ZCCHC7: variants seen among roughly 807,000 people sequenced by gnomAD.
The protein encoded by ZCCHC7 is zinc finger CCHC domain-containing protein 7.
Under a neutral mutation model 52.0 loss-of-function variants are expected in ZCCHC7, and 35 were observed. That is an observed-to-expected ratio of 0.67 (90% CI 0.51 to 0.89). The LOEUF is 0.89. ZCCHC7 is among the 40% of genes least tolerant of loss of function. The probability of loss-of-function intolerance (pLI) is 0.00; values close to 1 mark genes in which losing one functional copy is unlikely to be tolerated. For synonymous variants in ZCCHC7, 217 were observed against 221.5 expected (o/e 0.98, Z 0.18); for missense variants, 574 against 649.1 (o/e 0.88, Z 1.26).
chr9:37,286,612 A>G (rs1828218901), intron 2 of ZCCHC7, among the ~76,000 whole-genome samples: 1 of 151,822 alleles, frequency 6.6e-6, no homozygotes, highest in Admixed American at 6.6e-5. Flanking sequence ...TCACACCACT[A>G]CACTCCAGCC....
intron 6 of ZCCHC7, among the ~76,000 whole-genome samples, chr9:37,348,347 G>GTTCGTTCGTTCTTTCTTTCTTTCT (rs370166957): frequency 3.0e-4 from 40 of 135,590 alleles, no homozygotes; most frequent in African/African-American, 1.1e-3. Flanking sequence ...ATACCAGTTC[G>GTTCGTTCGTTCTTTCTTTCTTTCT]TTCTTTCTTT....
chr9:37,161,401 C>T (rs778907691), intron 2 of ZCCHC7, among the ~76,000 whole-genome samples: 3 of 151,978 alleles, frequency 2.0e-5, no homozygotes, highest in East Asian at 1.9e-4. Context: ...GGTGAAACCC[C>T]ATCTCTACTA....
chr9:37,291,972 C>T (rs867393395), intron 2 of ZCCHC7, among the ~76,000 whole-genome samples: 12 of 152,128 alleles, frequency 7.9e-5, no homozygotes, highest in African/African-American at 2.2e-4. Flanking sequence ...GGATTACAGG[C>T]GTGAGCCACT....
At chr9:37,349,000 A>G (rs989431053) in intron 6 of ZCCHC7, among the ~76,000 whole-genome samples, 2 of 152,118 alleles carry the variant, frequency 1.3e-5, no homozygotes, top group Non-Finnish European at 2.9e-5. Context: ...TCACCACTCC[A>G]TTAATGCCTT....
At chr9:37,132,170 G>A (rs1023972052) in intron 2 of ZCCHC7, among the ~76,000 whole-genome samples, 3 of 152,052 alleles carry the variant, frequency 2.0e-5, no homozygotes, top group African/African-American at 7.2e-5. Flanking sequence ...AAGAAAAGAT[G>A]CACCGAAGGA....
At position 37,126,914 on chromosome 9, in the gene ZCCHC7, T is replaced by G; in HGVS notation, c.582T>G (p.Leu194=). Residue 194 remains leucine, a synonymous_variant, in exon 2 of 9, where the codon CTT becomes CTG. Coordinates refer to ENST00000336755, the MANE Select transcript of ZCCHC7 (RefSeq NM_032226.3). Reference sequence around the variant, plus strand: ...AAGATGATGATATCCTTCTCAACCTTGTGGGATGTGAAAACTCTGTTACTG... The same window carrying G: ...AAGATGATGATATCCTTCTCAACCTGGTGGGATGTGAAAACTCTGTTACTG... ...DDKDDDILLN[L]VGCENSVTEG... The G allele has an allele frequency of 6.2e-7, 1 of 1,613,892 alleles. No individual in the cohort carries two copies. Among genetic ancestry groups the G allele is most frequent in the Non-Finnish European group, 8.5e-7 (1 of 1,179,956 alleles).
intron 2 of ZCCHC7, among the ~76,000 whole-genome samples, chr9:37,240,813 T>C (rs1825842261): frequency 6.6e-6 from 1 of 151,858 alleles, no homozygotes; most frequent in African/African-American, 2.4e-5. Flanking sequence ...AAGGCCATCA[T>C]TTTGTGTTTG....
At chr9:37,243,583 T>G (rs1392389041) in intron 2 of ZCCHC7, among the ~76,000 whole-genome samples, 1 of 151,834 alleles carries the variant, frequency 6.6e-6, no homozygotes, top group African/African-American at 2.4e-5. Flanking sequence ...GTCCTTGCAT[T>G]CAGGGTTAAA....
At chr9:37,216,510 A>C (rs1824514100) in intron 2 of ZCCHC7, among the ~76,000 whole-genome samples, 1 of 152,088 alleles carries the variant, frequency 6.6e-6, no homozygotes, top group Non-Finnish European at 1.5e-5. Context: ...CCCCATCTCT[A>C]CTAAAAATAC....
At chr9:37,309,066 T>C (rs1829473380) in intron 5 of ZCCHC7, among the ~76,000 whole-genome samples, 1 of 151,940 alleles carries the variant, frequency 6.6e-6, no homozygotes, top group African/African-American at 2.4e-5. Context: ...TGTGACCAGC[T>C]TCAGAGAAGG....
intron 5 of ZCCHC7, chr9:37,327,224 T>C (rs909540104): frequency 6.6e-6 from 1 of 152,128 alleles, no homozygotes; most frequent in African/African-American, 2.4e-5. Flanking sequence ...TTGCTACAGA[T>C]GTGGATATGG....
At chr9:37,258,065 G>C (rs1035861189) in intron 2 of ZCCHC7, among the ~76,000 whole-genome samples, 3 of 152,108 alleles carry the variant, frequency 2.0e-5, no homozygotes, top group African/African-American at 7.2e-5. Context: ...ATTGATCTGA[G>C]GAAAGCTTTA....
chr9:37,339,103 T>G (rs1208072000), intron 6 of ZCCHC7, among the ~76,000 whole-genome samples: 1 of 152,216 alleles, frequency 6.6e-6, no homozygotes, highest in Admixed American at 6.5e-5. Flanking sequence ...ATGCCATTTT[T>G]AACATATGAG....
At chr9:37,208,695 C>A (rs1824050803) in intron 2 of ZCCHC7, among the ~76,000 whole-genome samples, 1 of 152,212 alleles carries the variant, frequency 6.6e-6, no homozygotes, top group South Asian at 2.1e-4. Context: ...CTGGTTACTT[C>A]TTACCCATCT....
chr9:37,294,117 T>C (rs1828668159), intron 2 of ZCCHC7, among the ~76,000 whole-genome samples: 1 of 152,174 alleles, frequency 6.6e-6, no homozygotes, highest in Non-Finnish European at 1.5e-5. Context: ...AATGTTATAA[T>C]TGAAAAGTAT....
At chr9:37,202,236 G>C (rs1035384350) in intron 2 of ZCCHC7, among the ~76,000 whole-genome samples, 5 of 152,204 alleles carry the variant, frequency 3.3e-5, no homozygotes, top group African/African-American at 1.2e-4. Flanking sequence ...ATTTGAGATA[G>C]ATTGGGATAA....
At chr9:37,140,462 G>A (rs984909619) in intron 2 of ZCCHC7, among the ~76,000 whole-genome samples, 1 of 151,936 alleles carries the variant, frequency 6.6e-6, no homozygotes, top group Non-Finnish European at 1.5e-5. Context: ...TGGTTCTTCT[G>A]TGTATGAAAT....
At chr9:37,336,949 T>A (rs7856253) in intron 6 of ZCCHC7, among the ~76,000 whole-genome samples, 2 of 152,198 alleles carry the variant, frequency 1.3e-5, no homozygotes, top group African/African-American at 4.8e-5. Flanking sequence ...AGTGGTAAGA[T>A]ACCCTGTCAC....
intron 2 of ZCCHC7, among the ~76,000 whole-genome samples, chr9:37,161,685 G>A (rs1297864165): frequency 6.6e-6 from 1 of 152,180 alleles, no homozygotes; most frequent in Non-Finnish European, 1.5e-5. Context: ...TAAGTGATAT[G>A]TCAACGTATG....
Sources: allele counts gnomAD v4.1 joint callset (sites outside exome capture counted in the v4.1 genomes callset), GRCh38; gene constraint gnomAD v4.1.1; transcripts MANE v1.5; gene names NCBI Gene and HGNC (gene_info 2026-07-23, HGNC 2026-07-21).